GBE1: variants seen among roughly 807,000 people sequenced by gnomAD.
GBE1 encodes the protein 1,4-alpha-glucan-branching enzyme.
A neutral mutation model predicts 88.8 loss-of-function variants in GBE1; 70 were observed. That is an observed-to-expected ratio of 0.79 (90% confidence interval 0.65 to 0.96). GBE1 has a LOEUF of 0.96. GBE1 is among the 40% of genes least tolerant of loss of function. The pLI, the probability that GBE1 is intolerant of heterozygous loss-of-function variation, is 0.00. For missense variants in GBE1, 872 were observed against 871.0 expected, an observed-to-expected ratio of 1.00 and a Z score of -0.01; for synonymous variants, 284 against 300.1, an observed-to-expected ratio of 0.95 and a Z score of 0.56.
In GBE1 at chr3:81,750,655, A is replaced by G. The variant is rs1472918947; in HGVS notation, c.143+10720T>C. Among the ~76,000 whole-genome samples the G allele has an allele frequency of 9.3e-4, 51 of 54,662 alleles. 2 individuals are homozygous for G. The highest frequency in any genetic ancestry group is 6.5e-3 in the African/African-American group (45 of 6,970). The allele number at this position is 54,662 out of a possible 152,430, so 35.9% of individuals were successfully genotyped here. A position where few individuals can be genotyped will look rare whatever the true frequency, so the allele number is the denominator to read the frequency against. On this transcript the variant is annotated intron_variant, in intron 1 of 15. Transcript: ENST00000429644. Reference sequence around the variant, plus strand: ...CGTATATATATATATGTATATATATATATGTATATATATATATACGTATAT... The same window carrying G: ...CGTATATATATATATGTATATATATGTATGTATATATATATATACGTATAT...
chr3:81,738,776 T>G (rs1057345953), intron 1 of GBE1, among the ~76,000 whole-genome samples: 2 of 152,174 alleles, frequency 1.3e-5, no homozygotes, highest in South Asian at 2.1e-4. Flanking sequence ...CCTCATAAAA[T>G]GTTGATAAAG....
chr3:81,753,625 A>G (rs531010951), intron 1 of GBE1, among the ~76,000 whole-genome samples: 5 of 152,310 alleles, frequency 3.3e-5, no homozygotes, highest in Middle Eastern at 3.4e-3. Context: ...CAGGTGCCAG[A>G]GCCTAAACTA....
intron 14 of GBE1, among the ~76,000 whole-genome samples, chr3:81,526,444 GA>G (rs1702945533): frequency 1.3e-5 from 2 of 152,108 alleles, no homozygotes; most frequent in African/African-American, 4.8e-5. Context: ...CCTGTTTGCA[GA>G]TGACATGATT....
At chr3:81,665,053 C>T (rs902820661) in intron 3 of GBE1, among the ~76,000 whole-genome samples, 8 of 152,126 alleles carry the variant, frequency 5.3e-5, no homozygotes, top group African/African-American at 1.4e-4. Context: ...AAGTTTGCAA[C>T]AGTGTTTCAT....
At chr3:81,524,077 T>G (rs1702909940) in intron 14 of GBE1, among the ~76,000 whole-genome samples, 1 of 151,858 alleles carries the variant, frequency 6.6e-6, no homozygotes, top group Admixed American at 6.6e-5. Flanking sequence ...ATCTCCATAC[T>G]GTTCTCCATA....
chr3:81,588,594 GA>G (rs71108324), intron 9 of GBE1, among the ~76,000 whole-genome samples: 33,936 of 151,802 alleles, frequency 0.22, 4,027 homozygotes, highest in East Asian at 0.41. Context: ...GAATCCTTTT[GA>G]AAAGCTTGAA....
intron 1 of GBE1, among the ~76,000 whole-genome samples, chr3:81,734,414 GA>G (rs57475860): frequency 0.07 from 10,634 of 152,036 alleles, 720 homozygotes; most frequent in African/African-American, 0.17. Context: ...GTCATTTGGG[GA>G]AAAAAACCTA....
In GBE1 at chr3:81,649,865, C is replaced by A. The variant is rs1704820180; in HGVS notation, c.486G>T (p.Lys162Asn). ...EILYRISPWA[K>N]YVVREGDNVN... Reference sequence around the variant, plus strand: ...CATTATCACCTTCACGAACCACATACTTTGCCCACGGTGAAATACGATACA... The same window carrying A: ...CATTATCACCTTCACGAACCACATAATTTGCCCACGGTGAAATACGATACA... The change falls in exon 4 of 16, where the codon AAG (lysine) becomes AAT (asparagine). Residue 162 changes from lysine to asparagine, a missense_variant. Coordinates refer to ENST00000429644, the MANE Select transcript of GBE1 (RefSeq NM_000158.4). 1 of 1,611,302 alleles carries A rather than the reference C, an allele frequency of 6.2e-7. No individual in the cohort carries two copies. The highest frequency in any genetic ancestry group is 1.3e-5 in the African/African-American group (1 of 74,860).
chr3:81,580,923 C>G (rs1422645607), intron 11 of GBE1, among the ~76,000 whole-genome samples: 2 of 151,990 alleles, frequency 1.3e-5, no homozygotes, highest in African/African-American at 4.8e-5. Context: ...TATAGTTTGG[C>G]AGGACAAACA....
intron 7 of GBE1, among the ~76,000 whole-genome samples, chr3:81,614,973 C>A (rs185334622): frequency 3.3e-5 from 5 of 151,468 alleles, no homozygotes; most frequent in Admixed American, 1.3e-4. Flanking sequence ...GAGCTCAAGG[C>A]TACAGTGAGC....
intron 3 of GBE1, among the ~76,000 whole-genome samples, chr3:81,669,655 G>A (rs981082823): frequency 6.6e-5 from 10 of 151,432 alleles, no homozygotes; most frequent in African/African-American, 9.7e-5. Context: ...CACAGCAAAG[G>A]CCATGCTCTC....
intron 2 of GBE1, among the ~76,000 whole-genome samples, chr3:81,687,331 C>T (rs1462606128): frequency 2.0e-5 from 3 of 152,064 alleles, no homozygotes; most frequent in South Asian, 4.1e-4. Flanking sequence ...ATATTAAGGA[C>T]GCAAAAGAAA....
At chr3:81,629,597 C>A (rs574607635) in intron 7 of GBE1, among the ~76,000 whole-genome samples, 1 of 152,090 alleles carries the variant, frequency 6.6e-6, no homozygotes, top group Non-Finnish European at 1.5e-5. Flanking sequence ...ACAGCAAGAG[C>A]CTTCAGACTA....
At chr3:81,640,949 A>G (rs1039995790) in intron 7 of GBE1, among the ~76,000 whole-genome samples, 2 of 152,162 alleles carry the variant, frequency 1.3e-5, no homozygotes, top group African/African-American at 4.8e-5. Flanking sequence ...CGAGTATTAA[A>G]TAACAATGTT....
chr3:81,512,911 T>C (rs1702744018), intron 14 of GBE1, among the ~76,000 whole-genome samples: 1 of 151,806 alleles, frequency 6.6e-6, no homozygotes, highest in Non-Finnish European at 1.5e-5. Context: ...AATTAAATTC[T>C]CATAAAAATT....
chr3:81,607,873 C>G (rs1704124682), intron 7 of GBE1, among the ~76,000 whole-genome samples: 1 of 152,040 alleles, frequency 6.6e-6, no homozygotes, highest in Non-Finnish European at 1.5e-5. Context: ...GAATTTTTAT[C>G]ATTTATTACT....
intron 7 of GBE1, among the ~76,000 whole-genome samples, chr3:81,627,770 A>T (rs1047738186): frequency 1.8e-4 from 27 of 148,782 alleles, no homozygotes; most frequent in African/African-American, 5.9e-4. Context: ...TATATATAAA[A>T]AACATATATA....
chr3:81,549,189 C>T (rs558203363), intron 12 of GBE1, among the ~76,000 whole-genome samples: 11 of 150,920 alleles, frequency 7.3e-5, no homozygotes, highest in South Asian at 2.1e-4. Flanking sequence ...ACCACCATGC[C>T]GAGCTAATTG....
intron 2 of GBE1, among the ~76,000 whole-genome samples, chr3:81,678,120 T>C (rs909286026): frequency 2.0e-5 from 3 of 152,204 alleles, no homozygotes; most frequent in Non-Finnish European, 4.4e-5. Flanking sequence ...CCGGCCTACA[T>C]GGCATAGCCT....
Sources: gnomAD v4.1 joint callset for allele counts (sites outside exome capture counted in the v4.1 genomes callset) on GRCh38, gnomAD v4.1.1 for gene constraint, MANE v1.5 for transcripts, NCBI Gene and HGNC (gene_info 2026-07-23, HGNC 2026-07-21) for gene names.